The following NPAS3 variants were observed in gnomAD, a reference collection of about 807,000 sequenced individuals.
NPAS3 encodes neuronal PAS domain-containing protein 3.
A neutral mutation model predicts 73.1 loss-of-function variants in NPAS3; 14 were observed. The observed-to-expected ratio is 0.19, with a 90% CI of 0.13 to 0.30. The LOEUF (loss-of-function observed/expected upper bound fraction) is 0.30. Among genes scored for constraint, NPAS3 ranks in the 10% least tolerant of loss-of-function variants. NPAS3 has a pLI of 1.00. For synonymous variants in NPAS3, 620 were observed against 541.5 expected (o/e 1.14, Z -2.01); for missense variants, 1,096 against 1,250.0 (o/e 0.88, Z 1.86).
At chr14:33,191,609 T>A (rs1475603590) in intron 2 of NPAS3, among the ~76,000 whole-genome samples, 3 of 152,178 alleles carry the variant, frequency 2.0e-5, no homozygotes, top group African/African-American at 7.2e-5. Context: ...ATCTGAAAGA[T>A]TTCAAAATGC....
intron 3 of NPAS3, among the ~76,000 whole-genome samples, chr14:33,349,630 C>T (rs2044929970): frequency 1.3e-5 from 2 of 152,110 alleles, no homozygotes; most frequent in Non-Finnish European, 2.9e-5. Context: ...GAAAACTATT[C>T]TGACTGGCTA....
In NPAS3 at chr14:33,548,759, G is replaced by A. The variant is rs566512870; in HGVS notation, c.469-11362G>A. 1.7e-4 allele frequency among the ~76,000 whole-genome samples: 26 copies of A among 152,296 alleles called. 1 individual carries two copies. Among genetic ancestry groups the A allele is most frequent in the African/African-American group, 5.8e-4 (24 of 41,562 alleles). On this transcript the variant is annotated intron_variant, in intron 4 of 11. Transcript: ENST00000356141. ...CCTTCCCAGCAGGCTAACACTCTGTGCTGCTTAGGAAAAAGCAGAATGACA... is the reference window on the plus strand; with the variant it reads ...CCTTCCCAGCAGGCTAACACTCTGTACTGCTTAGGAAAAAGCAGAATGACA...
intron 5 of NPAS3, among the ~76,000 whole-genome samples, chr14:33,577,056 T>G (rs1200167960): frequency 6.6e-6 from 1 of 152,214 alleles, no homozygotes; most frequent in African/African-American, 2.4e-5. Flanking sequence ...AAGCAAAGAT[T>G]TACCTGTCTC....
chr14:32,995,163 C>T (rs773036831), intron 1 of NPAS3, among the ~76,000 whole-genome samples: 4 of 152,322 alleles, frequency 2.6e-5, no homozygotes, highest in African/African-American at 7.2e-5. Flanking sequence ...TTCTTGATGA[C>T]CCATTGGACA....
chr14:33,445,151 C>A (rs1054914909), intron 4 of NPAS3, among the ~76,000 whole-genome samples: 1 of 152,186 alleles, frequency 6.6e-6, no homozygotes, highest in African/African-American at 2.4e-5. Context: ...AATACACACC[C>A]TCTGTCATTG....
chr14:33,477,390 C>T (rs577300615), intron 4 of NPAS3, among the ~76,000 whole-genome samples: 2 of 152,188 alleles, frequency 1.3e-5, no homozygotes, highest in East Asian at 3.9e-4. Context: ...ACTTGGGACT[C>T]CTGTGTTTTG....
chr14:33,424,332 C>T (rs1358150872), intron 4 of NPAS3, among the ~76,000 whole-genome samples: 1 of 151,964 alleles, frequency 6.6e-6, no homozygotes, highest in Non-Finnish European at 1.5e-5. Context: ...AGATGAGAGG[C>T]TTAGTGAGGA....
intron 2 of NPAS3, among the ~76,000 whole-genome samples, chr14:33,115,279 A>G (rs2085511613): frequency 6.6e-6 from 1 of 152,126 alleles, no homozygotes. Flanking sequence ...AAGGATTAGA[A>G]ACTAGGTTTC....
At chr14:33,416,152 G>T (rs746619584) in intron 4 of NPAS3, among the ~76,000 whole-genome samples, 5 of 152,054 alleles carry the variant, frequency 3.3e-5, no homozygotes, top group Non-Finnish European at 7.4e-5. Flanking sequence ...ATCTTCACAA[G>T]TGGAAAGCTA....
intron 4 of NPAS3, among the ~76,000 whole-genome samples, chr14:33,380,124 GATCAACCA>G (rs1350533999): frequency 6.6e-6 from 1 of 151,950 alleles, no homozygotes; most frequent in Non-Finnish European, 1.5e-5. Context: ...ACTTTTTGTA[GATCAACCA>G]AAATAAAATT....
intron 2 of NPAS3, among the ~76,000 whole-genome samples, chr14:33,165,532 G>A (rs933689049): frequency 2.0e-5 from 3 of 152,044 alleles, no homozygotes; most frequent in Admixed American, 1.3e-4. Context: ...CAAAGCATGC[G>A]TAGTGTAAAT....
At chr14:33,027,532 C>G (rs1595266667) in intron 1 of NPAS3, among the ~76,000 whole-genome samples, 3 of 152,108 alleles carry the variant, frequency 2.0e-5, no homozygotes, top group African/African-American at 7.2e-5. Context: ...CTTTCTTTCC[C>G]TCTGTCTTGA....
intron 6 of NPAS3, among the ~76,000 whole-genome samples, chr14:33,698,503 T>C (rs1439355539): frequency 1.3e-5 from 2 of 152,182 alleles, no homozygotes; most frequent in Non-Finnish European, 2.9e-5. Flanking sequence ...CACAGGATGC[T>C]ACAGGAATAT....
intron 5 of NPAS3, among the ~76,000 whole-genome samples, chr14:33,588,529 GCTT>G (rs552942891): frequency 2.9e-4 from 44 of 152,248 alleles, no homozygotes; most frequent in African/African-American, 9.1e-4. Context: ...TTTTCTTTTT[GCTT>G]CTTAATTCCT....
chr14:33,055,799 G>GTCGC, intron 1 of NPAS3, 106 bp from the exon 2 acceptor site: 5 of 662,234 alleles, frequency 7.6e-6, no homozygotes, highest in Middle Eastern at 2.5e-4. Flanking sequence ...GAGCTCAAAA[G>GTCGC]CGTAAAAAGC....
intron 9 of NPAS3, among the ~76,000 whole-genome samples, chr14:33,784,732 TA>T (rs2063092385): frequency 3.1e-4 from 32 of 103,476 alleles, no homozygotes; most frequent in African/African-American, 7.5e-4. Flanking sequence ...TTTATTTATT[TA>T]TTTATTTATT....
At chr14:33,216,040 C>T (rs2047211334) in intron 3 of NPAS3, among the ~76,000 whole-genome samples, 1 of 152,144 alleles carries the variant, frequency 6.6e-6, no homozygotes, top group African/African-American at 2.4e-5. Flanking sequence ...ATGCCTAAGA[C>T]AGGTATTTTC....
At chr14:33,192,441 C>G (rs2046204424) in intron 2 of NPAS3, among the ~76,000 whole-genome samples, 1 of 152,118 alleles carries the variant, frequency 6.6e-6, no homozygotes, top group Non-Finnish European at 1.5e-5. Flanking sequence ...GGTATGAGTT[C>G]AAACAGCTGG....
intron 3 of NPAS3, among the ~76,000 whole-genome samples, chr14:33,291,560 G>A (rs968199052): frequency 6.6e-6 from 1 of 152,188 alleles, no homozygotes. Flanking sequence ...AGGTGAGGAA[G>A]AAATTACTAA....
Sources: gnomAD v4.1 joint callset for allele counts (sites outside exome capture counted in the v4.1 genomes callset) on GRCh38, gnomAD v4.1.1 for gene constraint, MANE v1.5 for transcripts, NCBI Gene and HGNC (gene_info 2026-07-23, HGNC 2026-07-21) for gene names.